Variants in TGFBR3 observed in about 807,000 individuals in gnomAD.
TGFBR3 encodes transforming growth factor beta receptor 3.
Under a neutral mutation model 87.9 loss-of-function variants are expected in TGFBR3, and 46 were observed. That is an observed-to-expected ratio of 0.52 (90% CI 0.41 to 0.67). The LOEUF is 0.67. Among genes scored for constraint, TGFBR3 ranks in the 30% least tolerant of loss-of-function variants. The pLI is 0.00. For synonymous variants in TGFBR3, 381 were observed against 391.6 expected, an observed-to-expected ratio of 0.97 and a Z score of 0.32; for missense variants, 866 against 1,041.9, an observed-to-expected ratio of 0.83 and a Z score of 2.32.
At position 91,727,770 on chromosome 1, in the gene TGFBR3, A is replaced by C. The variant is rs375200304; in HGVS notation, c.774T>G (p.Pro258=). Residue 258 remains proline (P), a synonymous_variant, in exon 7 of 17, where the codon CCT becomes CCG. Transcript: ENST00000212355. The part of the protein sequence containing the change: ...FQVDITIDIR[P]SQEDLEVVKN... ...TGACCACTTCAAGATCCTCTTGAGA[A>C]GGTCTTATATCAATTGTTATATCCA... is the stretch of plus-strand genomic sequence containing the variant. 35 of 1,613,926 alleles carry C rather than the reference A, an allele frequency of 2.2e-5. No homozygotes were observed. The highest frequency in any genetic ancestry group is 2.7e-5 in the Non-Finnish European group (32 of 1,179,992).
chr1:91,853,024 C>A (rs2799525), intron 2 of TGFBR3, among the ~76,000 whole-genome samples: 1 of 151,086 alleles, frequency 6.6e-6, no homozygotes, highest in South Asian at 2.1e-4. Context: ...CCAGGCATAG[C>A]GGCGTGCACC....
chr1:91,716,620 C>T lies in TGFBR3; in HGVS notation c.1655G>A (p.Gly552Glu). 6.2e-7 allele frequency: 1 copy of T among 1,614,158 alleles called. No homozygotes were observed. Among genetic ancestry groups the T allele is most frequent in the Non-Finnish European group, 8.5e-7 (1 of 1,180,016 alleles). ...GGAAGCATCTCCTTCATCCATATCT[C>T]CCGGAAATCCATTATCACCTGACTC... ...DLESGDNGFPGDMDEGDASLF... is the reference protein window; with the variant it reads ...DLESGDNGFPEDMDEGDASLF... The change falls in exon 11 of 17, where the codon GGA becomes GAA. Residue 552 changes from glycine (G) to glutamate (E), a missense_variant. Physicochemically the swap from Gly to Glu is moderately conservative, Grantham distance 98. Coordinates refer to ENST00000212355, the MANE Select transcript of TGFBR3 (RefSeq NM_003243.5).
chr1:91,902,829 G>A (rs1449986627), intron 1 of TGFBR3, among the ~76,000 whole-genome samples: 2 of 151,958 alleles, frequency 1.3e-5, no homozygotes, highest in Non-Finnish European at 2.9e-5. Flanking sequence ...TCGCATCAGA[G>A]ACTTAGTTTA....
intron 2 of TGFBR3, among the ~76,000 whole-genome samples, chr1:91,848,970 T>C (rs1677613720): frequency 6.6e-6 from 1 of 152,240 alleles, no homozygotes; most frequent in Non-Finnish European, 1.5e-5. Flanking sequence ...TCTTTAATAT[T>C]AGGCTATGGC....
intron 2 of TGFBR3, among the ~76,000 whole-genome samples, chr1:91,846,341 T>C (rs893228992): frequency 1.3e-5 from 2 of 152,204 alleles, no homozygotes; most frequent in Admixed American, 6.5e-5. Flanking sequence ...CAGCCTTTGA[T>C]AGGGTATTTC....
At chr1:91,880,899 ATG>A (rs975155562) in intron 1 of TGFBR3, among the ~76,000 whole-genome samples, 1 of 149,776 alleles carries the variant, frequency 6.7e-6, no homozygotes, top group African/African-American at 2.4e-5. Context: ...GATTATATAT[ATG>A]TGAGATTTTA....
At chr1:91,793,351 G>A (rs1675261262) in intron 3 of TGFBR3, among the ~76,000 whole-genome samples, 1 of 152,086 alleles carries the variant, frequency 6.6e-6, no homozygotes, top group Non-Finnish European at 1.5e-5. Flanking sequence ...GGGGAAATGG[G>A]GCTGATTTAG....
intron 2 of TGFBR3, among the ~76,000 whole-genome samples, chr1:91,829,363 G>GCTTTTTGA (rs1676767867): frequency 1.3e-5 from 2 of 150,216 alleles, no homozygotes; most frequent in Non-Finnish European, 3.0e-5. Context: ...GCAACAGAGC[G>GCTTTTTGA]AGACTCGAAG....
At chr1:91,807,906 A>C (rs1245289721) in intron 2 of TGFBR3, among the ~76,000 whole-genome samples, 1 of 152,224 alleles carries the variant, frequency 6.6e-6, no homozygotes, top group Non-Finnish European at 1.5e-5. Context: ...CAAATGATGC[A>C]CTATATGTGA....
chr1:91,825,775 G>A (rs1413263369), intron 2 of TGFBR3, among the ~76,000 whole-genome samples: 1 of 152,178 alleles, frequency 6.6e-6, no homozygotes, highest in Non-Finnish European at 1.5e-5. Context: ...GAGGTCAGGA[G>A]TTTGAAACCA....
Position 91,800,566 on chromosome 1 carries a change from A to G in TGFBR3, c.62-3095T>C, listed in dbSNP as rs146655441. 7.2e-5 allele frequency among the ~76,000 whole-genome samples: 11 copies of G among 151,940 alleles called. No homozygotes were observed. The East Asian group carries it at 2.2e-3, about 30-fold the overall frequency. On this transcript the variant is annotated intron_variant, in intron 2 of 16. Transcript: ENST00000212355. Reference sequence around the variant, plus strand: ...TTGGCTTGACGTTTAAATACACTCAACAGTGTGTTCCTGACCATCTGACAC... The same window carrying G: ...TTGGCTTGACGTTTAAATACACTCAGCAGTGTGTTCCTGACCATCTGACAC...
Position 91,839,159 on chromosome 1 carries a change from G to A in TGFBR3, c.61+22312C>T, listed in dbSNP as rs114869185. ...TTCCTGGCTAATGTTTTAGTTTTTC[G>A]TAGAGACACGGTCTCGCTGTGTTGA... On this transcript the variant is annotated intron_variant, in intron 2 of 16. Coordinates refer to ENST00000212355, the MANE Select transcript of TGFBR3 (RefSeq NM_003243.5). Among the ~76,000 whole-genome samples the A allele has an allele frequency of 1.9e-3, 295 of 152,066 alleles. 2 individuals are homozygous for A. The highest frequency in any genetic ancestry group is 6.6e-3 in the African/African-American group (272 of 41,490).
intron 3 of TGFBR3, among the ~76,000 whole-genome samples, chr1:91,789,113 TG>T (rs1675085299): frequency 6.6e-6 from 1 of 152,160 alleles, no homozygotes; most frequent in African/African-American, 2.4e-5. Context: ...CTGGCCAACA[TG>T]GTGAAACCCC....
chr1:91,711,033 G>A (rs1671962741), intron 13 of TGFBR3, among the ~76,000 whole-genome samples: 1 of 152,082 alleles, frequency 6.6e-6, no homozygotes. Context: ...TAACTGCTAG[G>A]TCTCCCCTCC....
rs1804506 is a variant in TGFBR3, at chr1:91,682,456, C to T, written c.*1283G>A. 72,086 of 439,832 alleles carry T rather than the reference C, an allele frequency of 0.16. 7,048 individuals are homozygous for T. Among genetic ancestry groups the T allele is most frequent in the East Asian group, 0.43 (6,053 of 14,024 alleles). The allele number at this position is 439,832 out of a possible 1,614,324, so 27.2% of individuals were successfully genotyped here. ...GGAGGTATCACTGAGCTTATTTTAGCTGCAAAGTGGCATCATATTATTCCA... is the reference window on the plus strand; with the variant it reads ...GGAGGTATCACTGAGCTTATTTTAGTTGCAAAGTGGCATCATATTATTCCA... On this transcript the variant is annotated 3_prime_UTR_variant, in exon 17 of 17. Coordinates refer to ENST00000212355, the MANE Select transcript of TGFBR3 (RefSeq NM_003243.5).
chr1:91,821,352 A>T (rs1252836791), intron 2 of TGFBR3, among the ~76,000 whole-genome samples: 1 of 136,352 alleles, frequency 7.3e-6, no homozygotes, highest in Non-Finnish European at 1.6e-5. Flanking sequence ...AAAAAAAAAA[A>T]GTAATGGCAA....
At chr1:91,732,852 G>A (rs1007051153) in intron 5 of TGFBR3, among the ~76,000 whole-genome samples, 22 of 152,118 alleles carry the variant, frequency 1.4e-4, no homozygotes, top group Non-Finnish European at 2.6e-4. Context: ...GGCTCTCAGG[G>A]TAAGTGACTA....
In TGFBR3 at chr1:91,783,538, C is replaced by T. The variant is rs1674848441; in HGVS notation, c.246+13749G>A. Among the ~76,000 whole-genome samples, 5 of 152,268 alleles carry T rather than the reference C, an allele frequency of 3.3e-5. No individual in the cohort carries two copies. The South Asian group carries it at 1.0e-3, about 32-fold the overall frequency. ...AGATGCCTGTGTCTTTAAGACCAGA[C>T]CCTCATAAATGGATTGCTTCTGCTG... is the stretch of plus-strand genomic sequence containing the variant. On this transcript the variant is annotated intron_variant, in intron 3 of 16. Transcript: ENST00000212355.
intron 2 of TGFBR3, among the ~76,000 whole-genome samples, chr1:91,841,502 T>C (rs554137162): frequency 4.5e-4 from 68 of 152,174 alleles, no homozygotes; most frequent in African/African-American, 1.6e-3. Flanking sequence ...GGAATTATTA[T>C]AAAAATAGTT....
Sources: gnomAD v4.1 joint callset for allele counts (sites outside exome capture counted in the v4.1 genomes callset) on GRCh38, gnomAD v4.1.1 for gene constraint, MANE v1.5 for transcripts, NCBI Gene and HGNC (gene_info 2026-07-23, HGNC 2026-07-21) for gene names.